PHF21A: variants seen among roughly 807,000 people sequenced by gnomAD.
The protein encoded by PHF21A is BHC80a.
In PHF21A, 11 loss-of-function variants were observed where a neutral mutation model predicts 82.5. The ratio of observed to expected loss-of-function variants is 0.13; its 90% CI spans 0.08 to 0.22. PHF21A has a LOEUF of 0.22. Ranked by LOEUF, PHF21A falls within the 10% of genes least tolerant of loss-of-function variation. The probability of loss-of-function intolerance (pLI) is 1.00; values close to 1 mark genes in which losing one functional copy is unlikely to be tolerated. For missense variants in PHF21A, 579 were observed against 837.8 expected (o/e 0.69, Z 3.81); for synonymous variants, 297 against 302.8 (o/e 0.98, Z 0.20).
intron 6 of PHF21A, among the ~76,000 whole-genome samples, chr11:46,005,572 C>T (rs1591856453): frequency 1.3e-5 from 2 of 152,260 alleles, no homozygotes; most frequent in East Asian, 1.9e-4. Context: ...TTAGCAAATG[C>T]CCCTGATTAT....
chr11:46,005,899 A>G (rs1042294305), intron 6 of PHF21A, among the ~76,000 whole-genome samples: 1 of 152,188 alleles, frequency 6.6e-6, no homozygotes, highest in Non-Finnish European at 1.5e-5. Flanking sequence ...CATTTCTTTA[A>G]AAAACTTCAA....
chr11:46,097,380 C>T (rs912769082), intron 1 of PHF21A, among the ~76,000 whole-genome samples: 11 of 152,124 alleles, frequency 7.2e-5, no homozygotes, highest in African/African-American at 2.7e-4. Flanking sequence ...TCCTTTCCAG[C>T]AACACTGGCC....
chr11:46,051,131 C>T (rs1592523964), intron 6 of PHF21A, among the ~76,000 whole-genome samples: 1 of 152,182 alleles, frequency 6.6e-6, no homozygotes, highest in Non-Finnish European at 1.5e-5. Context: ...AAATACACCA[C>T]ATTTAAATGG....
intron 7 of PHF21A, among the ~76,000 whole-genome samples, chr11:45,978,213 T>C (rs1034023988): frequency 1.3e-5 from 2 of 152,128 alleles, no homozygotes; most frequent in African/African-American, 4.8e-5. Flanking sequence ...GGCAGAAGAA[T>C]TGTTTGAACC....
At chr11:45,941,328 A>G (rs550704900) in intron 15 of PHF21A, among the ~76,000 whole-genome samples, 2 of 152,266 alleles carry the variant, frequency 1.3e-5, no homozygotes, top group South Asian at 4.1e-4. Flanking sequence ...AAAACTTTCA[A>G]TTCTGAATTA....
chr11:45,958,449 T>TATATATACACACACACAC (rs780397923), intron 10 of PHF21A, among the ~76,000 whole-genome samples: 8 of 15,076 alleles, frequency 5.3e-4, no homozygotes, highest in African/African-American at 1.5e-3. Flanking sequence ...TATATATATA[T>TATATATACACACACACAC]ACACACACAC....
chr11:45,943,267 G>T (rs1038210091), intron 15 of PHF21A, among the ~76,000 whole-genome samples: 2 of 151,684 alleles, frequency 1.3e-5, no homozygotes, highest in African/African-American at 4.8e-5. Context: ...TGACTAAAGG[G>T]GCACACCAGT....
At chr11:46,084,332 T>C (rs2096829812) in intron 3 of PHF21A, 30 bp from the exon 4 acceptor site, 9 of 688,990 alleles carry the variant, frequency 1.3e-5, no homozygotes, top group Non-Finnish European at 2.1e-5. Context: ...TTTTGGATCA[T>C]TACATTTGGA....
intron 18 of PHF21A, chr11:45,935,083 C>G (rs754325904): frequency 4.5e-5 from 58 of 1,284,854 alleles, no homozygotes; most frequent in Admixed American, 1.4e-4. Context: ...ATACAACCCT[C>G]TTTCCCACTT....
At chr11:45,949,302 C>G (rs2091779401) in intron 13 of PHF21A, 100 bp downstream of exon 13, 1 of 947,930 alleles carries the variant, frequency 1.1e-6, no homozygotes, top group East Asian at 2.4e-5. Flanking sequence ...CAAGTACAAT[C>G]AGGGTGCTGC....
At position 45,958,396 on chromosome 11, in the gene PHF21A, C is replaced by CAAAAAAAAAAAAAAA. The variant is rs1159762183; in HGVS notation, c.997-4786_997-4772dup. Among the ~76,000 whole-genome samples, 4 of 1,066 alleles carry CAAAAAAAAAAAAAAA rather than the reference C, an allele frequency of 3.8e-3. 2 individuals carry two copies. Among genetic ancestry groups the CAAAAAAAAAAAAAAA allele is most frequent in the Non-Finnish European group, 6.7e-3 (4 of 594 alleles). 0.7% of individuals were successfully genotyped at this position (1,066 alleles called of 152,430 possible). A position where few individuals can be genotyped will look rare whatever the true frequency, so the allele number is the denominator to read the frequency against. ...TGAGCAACATGACAAAACCTGGTCT[C>CAAAAAAAAAAAAAAA]AAAAAAAAAAAAAAAAAAAAAAAAT... On this transcript the variant is annotated intron_variant, in intron 10 of 18. Coordinates refer to ENST00000676320, the MANE Select transcript of PHF21A (RefSeq NM_001352027.3).
At chr11:46,000,130 T>C (rs2095066127) in intron 6 of PHF21A, among the ~76,000 whole-genome samples, 1 of 152,098 alleles carries the variant, frequency 6.6e-6, no homozygotes, top group Admixed American at 6.6e-5. Context: ...GACAACACAA[T>C]AGTACCAGTC....
intron 6 of PHF21A, among the ~76,000 whole-genome samples, chr11:45,990,434 A>AT (rs1203639473): frequency 6.6e-6 from 1 of 151,070 alleles, no homozygotes; most frequent in Non-Finnish European, 1.5e-5. Flanking sequence ...AATTTTTTGT[A>AT]TTTTTAGTAG....
intron 1 of PHF21A, among the ~76,000 whole-genome samples, chr11:46,105,093 A>G (rs1387521728): frequency 6.6e-6 from 1 of 152,116 alleles, no homozygotes; most frequent in Non-Finnish European, 1.5e-5. Flanking sequence ...ATTTTATTCA[A>G]ATTTTACAGG....
chr11:46,085,228 G>T (rs762448246), intron 3 of PHF21A, among the ~76,000 whole-genome samples: 1 of 152,138 alleles, frequency 6.6e-6, no homozygotes, highest in Non-Finnish European at 1.5e-5. Flanking sequence ...ATTTTAAAAT[G>T]TATCTATCGT....
chr11:46,014,161 T>A (rs566718529), intron 6 of PHF21A, among the ~76,000 whole-genome samples: 1 of 152,286 alleles, frequency 6.6e-6, no homozygotes, highest in Admixed American at 6.5e-5. Flanking sequence ...CTTGCTCCCA[T>A]CCTTCCCTAC....
At chr11:46,119,793 G>C (rs1387114576) in intron 1 of PHF21A, 4 of 150,886 alleles carry the variant, frequency 2.7e-5, no homozygotes, top group Non-Finnish European at 5.9e-5. Flanking sequence ...AGAATAAAGA[G>C]ACCAAAGAGA....
chr11:46,023,205 T>A (rs1322982720), intron 6 of PHF21A, among the ~76,000 whole-genome samples: 2 of 152,232 alleles, frequency 1.3e-5, no homozygotes, highest in Non-Finnish European at 2.9e-5. Context: ...CAGGGACTTA[T>A]GAAAGGATGC....
At chr11:45,952,161 C>G (rs1454144635) in intron 11 of PHF21A, among the ~76,000 whole-genome samples, 2 of 152,186 alleles carry the variant, frequency 1.3e-5, no homozygotes, top group African/African-American at 4.8e-5. Flanking sequence ...ATATATGTAT[C>G]CCACATATGC....
Sources: allele counts gnomAD v4.1 joint callset (sites outside exome capture counted in the v4.1 genomes callset), GRCh38; gene constraint gnomAD v4.1.1; transcripts MANE v1.5; gene names NCBI Gene and HGNC (gene_info 2026-07-23, HGNC 2026-07-21).